SEMA3C: variants seen among roughly 807,000 people sequenced by gnomAD.
SEMA3C encodes semaphorin-3C.
A neutral mutation model predicts 89.4 loss-of-function variants in SEMA3C; 47 were observed. The observed-to-expected ratio is 0.53, with a 90% confidence interval of 0.42 to 0.67. SEMA3C has a LOEUF of 0.67. SEMA3C is among the 30% of genes least tolerant of loss of function. The pLI, the probability that SEMA3C is intolerant of heterozygous loss-of-function variation, is 0.00. For synonymous variants in SEMA3C, 310 were observed against 320.2 expected (o/e 0.97, Z 0.34); for missense variants, 839 against 929.1 (o/e 0.90, Z 1.26).
At chr7:80,781,842 C>G (rs1051766377) in intron 12 of SEMA3C, among the ~76,000 whole-genome samples, 2 of 152,110 alleles carry the variant, frequency 1.3e-5, no homozygotes, top group Non-Finnish European at 2.9e-5. Flanking sequence ...TAATTGTTTT[C>G]AAGTCATCTA....
intron 5 of SEMA3C, among the ~76,000 whole-genome samples, chr7:80,817,889 C>T (rs1430932985): frequency 1.3e-5 from 2 of 151,902 alleles, no homozygotes; most frequent in Admixed American, 6.6e-5. Context: ...TAAGTTTATG[C>T]TACAATATTT....
intron 12 of SEMA3C, among the ~76,000 whole-genome samples, chr7:80,785,079 A>G (rs1428804574): frequency 6.6e-6 from 1 of 151,862 alleles, no homozygotes; most frequent in Non-Finnish European, 1.5e-5. Context: ...ATTTTGCTTG[A>G]TATCTGGTAA....
At chr7:80,879,425 G>C (rs537922893) in intron 2 of SEMA3C, among the ~76,000 whole-genome samples, 1 of 152,248 alleles carries the variant, frequency 6.6e-6, no homozygotes, top group Admixed American at 6.5e-5. Context: ...AGCAGGGTAA[G>C]GGGCAAGAGA....
intron 12 of SEMA3C, among the ~76,000 whole-genome samples, chr7:80,777,688 T>C (rs1008774623): frequency 6.6e-6 from 1 of 152,196 alleles, no homozygotes; most frequent in Non-Finnish European, 1.5e-5. Context: ...CACACTGCCA[T>C]ATGTTGATAT....
intron 2 of SEMA3C, among the ~76,000 whole-genome samples, chr7:80,836,538 C>T (rs186897620): frequency 1.8e-3 from 271 of 152,118 alleles, no homozygotes; most frequent in African/African-American, 6.2e-3. Context: ...ATTAGCCGGG[C>T]ATGGTGGCAG....
chr7:80,855,380 C>G lies in SEMA3C; in HGVS notation c.104-26635G>C, dbSNP rs531553084. Among the ~76,000 whole-genome samples the G allele has an allele frequency of 1.1e-4, 17 of 152,218 alleles. No individual in the cohort carries two copies. The South Asian group carries it at 3.3e-3, about 30-fold the overall frequency. ...TCATAGCTCACTGCAGTCTTGAACTCCCAATTCAGCCTCTGGAGTAGCCAG... is the reference window on the plus strand; with the variant it reads ...TCATAGCTCACTGCAGTCTTGAACTGCCAATTCAGCCTCTGGAGTAGCCAG... On this transcript the variant is annotated intron_variant, in intron 2 of 17. Transcript: ENST00000265361.
At chr7:80,809,018 T>G (rs1483881831) in intron 6 of SEMA3C, among the ~76,000 whole-genome samples, 2 of 152,078 alleles carry the variant, frequency 1.3e-5, no homozygotes, top group African/African-American at 4.8e-5. Context: ...CTTCGGTGAT[T>G]CACCCACCTC....
At chr7:80,769,873 A>AAAAC (rs1788390399) in intron 12 of SEMA3C, among the ~76,000 whole-genome samples, 1 of 151,034 alleles carries the variant, frequency 6.6e-6, no homozygotes, top group Non-Finnish European at 1.5e-5. Flanking sequence ...CCAAAAAAAA[A>AAAAC]AAAAAAAAAA....
rs1787734400 is a variant in SEMA3C at position 80,743,751 on chromosome 7, C to T, written c.*1143G>A. 2 of 151,674 alleles carry T rather than the reference C, an allele frequency of 1.3e-5. No individual in the cohort carries two copies. Among genetic ancestry groups the T allele is most frequent in the South Asian group, 4.1e-4 (2 of 4,824 alleles). The allele number at this position is 151,674 out of a possible 1,614,324, so 9.4% of individuals were successfully genotyped here. ...AGACCAGTGAACGTATGTACCATTA[C>T]CTTTTGAAAGACAGAATGTCTCCTC... On this transcript the variant is annotated 3_prime_UTR_variant, in exon 18 of 18. Transcript: ENST00000265361.
rs1791997299 is a variant in SEMA3C, at chr7:80,905,685, G to C, written c.103+10994C>G. On this transcript the variant is annotated intron_variant, in intron 2 of 17. Transcript: ENST00000265361. ...TAGCAAAATGATTAATGCCTACAAT[G>C]GGTTTAAAGCTGATGCTCTAAACTA... is the stretch of plus-strand genomic sequence containing the variant. 5 of 389,456 alleles carry C rather than the reference G, an allele frequency of 1.3e-5. No individual in the cohort carries two copies. The Admixed American group carries it at 1.5e-4, about 12-fold the overall frequency. 24.1% of individuals were successfully genotyped at this position (389,456 alleles called of 1,614,324 possible).
chr7:80,915,870 T>A (rs201023886), intron 2 of SEMA3C: 1 of 130,074 alleles, frequency 7.7e-6, no homozygotes, highest in Non-Finnish European at 1.6e-5. Context: ...TTATGCAGAG[T>A]TGAAAGAAGT....
At chr7:80,793,827 GAGAA>G (rs1289225450) in intron 11 of SEMA3C, among the ~76,000 whole-genome samples, 1 of 151,734 alleles carries the variant, frequency 6.6e-6, no homozygotes, top group Non-Finnish European at 1.5e-5. Context: ...AAACTAGGCT[GAGAA>G]AGAGTGACTA....
At chr7:80,774,465 G>A (rs553903715) in intron 12 of SEMA3C, among the ~76,000 whole-genome samples, 15 of 152,078 alleles carry the variant, frequency 9.9e-5, no homozygotes, top group Admixed American at 5.9e-4. Context: ...AAAACTAAAG[G>A]AAGACATGGT....
intron 6 of SEMA3C, among the ~76,000 whole-genome samples, chr7:80,807,836 A>C (rs1789378238): frequency 6.6e-6 from 1 of 152,176 alleles, no homozygotes; most frequent in African/African-American, 2.4e-5. Flanking sequence ...GAAATGATAA[A>C]GTACTATTAC....
intron 2 of SEMA3C, among the ~76,000 whole-genome samples, chr7:80,845,910 T>A (rs1790377883): frequency 6.6e-6 from 1 of 152,200 alleles, no homozygotes; most frequent in Non-Finnish European, 1.5e-5. Flanking sequence ...CTCTGTCCCA[T>A]TTGAAATCAA....
At chr7:80,877,192 C>T (rs1462281379) in intron 2 of SEMA3C, among the ~76,000 whole-genome samples, 1 of 152,184 alleles carries the variant, frequency 6.6e-6, no homozygotes, top group Non-Finnish European at 1.5e-5. Flanking sequence ...TATGAGTACA[C>T]ATTGATAATA....
intron 12 of SEMA3C, among the ~76,000 whole-genome samples, chr7:80,767,374 T>C: frequency 6.6e-6 from 1 of 152,142 alleles, no homozygotes; most frequent in Non-Finnish European, 1.5e-5. Context: ...AGCCAAAAAT[T>C]GAGATGCCAA....
In SEMA3C at chr7:80,743,123, AAAG is replaced by A. The variant is rs1424310671; in HGVS notation, c.*1768_*1770del. On this transcript the variant is annotated 3_prime_UTR_variant, in exon 18 of 18. Coordinates refer to ENST00000265361, the MANE Select transcript of SEMA3C (RefSeq NM_006379.5). Reference sequence around the variant, plus strand: ...TTTCTGTGTGTCAATGTAGAAGAGAAAAGAAGTTTAATTATACCTTTTAAGCAG... The same window carrying A: ...TTTCTGTGTGTCAATGTAGAAGAGAAAAGTTTAATTATACCTTTTAAGCAG... 6.6e-6 allele frequency: 1 copy of A among 151,930 alleles called. No homozygotes were observed. The highest frequency in any genetic ancestry group is 1.5e-5 in the Non-Finnish European group (1 of 67,840). 9.4% of individuals were successfully genotyped at this position (151,930 alleles called of 1,614,324 possible).
rs1789881911 is a variant in SEMA3C, at chr7:80,826,783, ATTTG to A, written c.327+638_327+641del. On this transcript the variant is annotated intron_variant, in intron 4 of 17. Transcript: ENST00000265361. ...TACACATTAAAGATCTGCTCCACGT[ATTTG>A]TTTTAGAATATTCAAGAATGGCAAT... 2.6e-5 allele frequency among the ~76,000 whole-genome samples: 4 copies of A among 152,160 alleles called. No individual in the cohort carries two copies. The South Asian group carries it at 8.3e-4, about 31-fold the overall frequency.
Sources: gnomAD v4.1 joint callset for allele counts (sites outside exome capture counted in the v4.1 genomes callset) on GRCh38, gnomAD v4.1.1 for gene constraint, MANE v1.5 for transcripts, NCBI Gene and HGNC (gene_info 2026-07-23, HGNC 2026-07-21) for gene names.